COCH: variants seen among roughly 807,000 people sequenced by gnomAD.
The protein encoded by COCH is cochlin, also known as coagulation factor C homolog, cochlin (Limulus polyphemus).
COCH carries 40 observed loss-of-function variants against 54.8 expected under a neutral mutation model. That is an observed-to-expected ratio of 0.73 (90% CI 0.57 to 0.95). The LOEUF (loss-of-function observed/expected upper bound fraction) is 0.95, where lower values mean the gene tolerates loss of function less well. Ranked by LOEUF, COCH falls within the 40% of genes least tolerant of loss-of-function variation. The pLI is 0.00. For missense variants in COCH, 605 were observed against 675.0 expected, an observed-to-expected ratio of 0.90 and a Z score of 1.15; for synonymous variants, 256 against 237.9, an observed-to-expected ratio of 1.08 and a Z score of -0.70.
rs770813215 is a variant in COCH, at chr14:30,877,560, C to A, written c.83-12C>A. 1.2e-6 allele frequency: 2 copies of A among 1,613,920 alleles called. No homozygotes were observed. The highest frequency in any genetic ancestry group is 1.7e-6 in the Non-Finnish European group (2 of 1,180,040). ...CTAAGAATGCTTACAATATTATCTCCTTTTTCTTCAGCTCCCATTGCTATC... is the reference window on the plus strand; with the variant it reads ...CTAAGAATGCTTACAATATTATCTCATTTTTCTTCAGCTCCCATTGCTATC... On this transcript the variant is annotated splice_polypyrimidine_tract_variant and intron_variant, in intron 3 of 11. Coordinates refer to ENST00000396618, the MANE Select transcript of COCH (RefSeq NM_004086.3). The surrounding 1 kb of genome is among the most constrained non-coding windows in gnomAD (Gnocchi z 8.6).
In COCH at chr14:30,880,715, G is replaced by A. The variant is rs200549732; in HGVS notation, c.610G>A (p.Val204Met). 3.7e-6 allele frequency: 6 copies of A among 1,613,814 alleles called. No homozygotes were observed. In the East Asian group the frequency reaches 1.1e-4, roughly 30 times the overall value. Reference sequence around the variant, plus strand: ...GGGAATTGGAACAGAAGGACCACATGTGGGCCTTGTTCAAGCCAGGTACCA... The same window carrying A: ...GGGAATTGGAACAGAAGGACCACATATGGGCCTTGTTCAAGCCAGGTACCA... ...MLGIGTEGPH[V>M]GLVQASEHPK... The change falls in exon 8 of 12, where the codon GTG (valine) becomes ATG (methionine). Residue 204 changes from valine (V) to methionine (M), a missense_variant. Coordinates refer to ENST00000396618, the MANE Select transcript of COCH (RefSeq NM_004086.3).
At chr14:30,893,990 T>C (rs1280934582), downstream of COCH, 1 of 152,624 alleles carries the variant, frequency 6.6e-6, no homozygotes. Flanking sequence ...GATTCATAGT[T>C]TGTAAAACAA....
intron 8 of COCH, 41 bp from the exon 9 acceptor site, chr14:30,884,512 T>A (rs1342369452): frequency 1.4e-6 from 2 of 1,411,352 alleles, no homozygotes; most frequent in Non-Finnish European, 2.0e-6. Context: ...TATTTTACCT[T>A]TTTAATTCTC....
Position 30,885,802 on chromosome 14 carries a change from T to A in COCH, c.967T>A (p.Cys323Ser). The A allele has an allele frequency of 6.2e-7, 1 of 1,614,102 alleles. No individual in the cohort carries two copies. Among genetic ancestry groups the A allele is most frequent in the Non-Finnish European group, 8.5e-7 (1 of 1,180,006 alleles). The part of the protein sequence containing the change: ...QDVTFVDKAV[C>S]RNNGFFSYHM... Reference sequence around the variant, plus strand: ...TATGTGTCTCCCCCATTAGGCTGTCTGTCGGAATAATGGCTTCTTCTCTTA... The same window carrying A: ...TATGTGTCTCCCCCATTAGGCTGTCAGTCGGAATAATGGCTTCTTCTCTTA... Residue 323 changes from cysteine to serine, a missense_variant, in exon 11 of 12, where the codon TGT (cysteine) becomes AGT (serine). Physicochemically the swap from Cys to Ser is moderately radical, Grantham distance 112 (BLOSUM62 -1). Coordinates refer to ENST00000396618, the MANE Select transcript of COCH (RefSeq NM_004086.3).
intron 8 of COCH, among the ~76,000 whole-genome samples, chr14:30,881,746 C>G (rs537723921): frequency 2.0e-5 from 3 of 151,986 alleles, no homozygotes; most frequent in Non-Finnish European, 4.4e-5. Context: ...ATCACGGGGT[C>G]AGGAGATTGA....
At chr14:30,895,209 C>T, downstream of COCH, 3 of 578,954 alleles carry the variant, frequency 5.2e-6, no homozygotes, top group Middle Eastern at 4.2e-4. Context: ...GTCCTTTTTT[C>T]TTTGTCCCAC....
intron 3 of COCH, chr14:30,875,317 C>T: frequency 3.0e-6 from 2 of 667,612 alleles, no homozygotes; most frequent in Non-Finnish European, 5.0e-6. Flanking sequence ...CCCCTGGGGT[C>T]CAGTGGGGGG....
At chr14:30,895,015 G>A, downstream of COCH, 1 of 271,604 alleles carries the variant, frequency 3.7e-6, no homozygotes, top group Non-Finnish European at 5.6e-6. Context: ...CCCAACAAGA[G>A]CACCACATTC....
rs768776389 is a variant in COCH at position 30,878,821 on chromosome 14, A to G, written c.250A>G (p.Ser84Gly). Residue 84 changes from serine (S) to glycine (G), a missense_variant, in exon 5 of 12, where the codon AGC becomes GGC. By Grantham distance (56) the Ser-to-Gly change is moderately conservative. Coordinates refer to ENST00000396618, the MANE Select transcript of COCH (RefSeq NM_004086.3). ...CGAAVHRGVI[S>G]NSGGPVRVYS... Reference sequence around the variant, plus strand: ...ATTCTTGTGTTACAGGGGAGTAATCAGCAACTCAGGGGGACCTGTACGAGT... The same window carrying G: ...ATTCTTGTGTTACAGGGGAGTAATCGGCAACTCAGGGGGACCTGTACGAGT... The G allele has an allele frequency of 1.9e-6, 3 of 1,614,098 alleles. No individual in the cohort carries two copies. The highest frequency in any genetic ancestry group is 4.5e-5 in the East Asian group (2 of 44,900).
chr14:30,882,119 G>GTTTTTTTTTTTTTTT (rs1566410309), intron 8 of COCH, among the ~76,000 whole-genome samples: 8 of 84,874 alleles, frequency 9.4e-5, no homozygotes, highest in African/African-American at 4.8e-4. Flanking sequence ...ACTATAAAAT[G>GTTTTTTTTTTTTTTT]GTTTTTTTTT....
At position 30,875,063 on chromosome 14, in the gene COCH, TCTG is replaced by T. The variant is rs774012347; in HGVS notation, c.53_55del (p.Leu18del). On this transcript the variant is annotated inframe_deletion, in exon 3 of 12. Coordinates refer to ENST00000396618, the MANE Select transcript of COCH (RefSeq NM_004086.3). Reference sequence around the variant, plus strand: ...ACGCTTCTCTCTTCGCAGGTGTGTGTCTGCTGCTGCTGCCGGGGCCCGCGGGCA... The same window carrying T: ...ACGCTTCTCTCTTCGCAGGTGTGTGTCTGCTGCTGCCGGGGCCCGCGGGCA... 1.9e-6 allele frequency: 3 copies of T among 1,607,218 alleles called. No homozygotes were observed. Among genetic ancestry groups the T allele is most frequent in the Admixed American group, 1.7e-5 (1 of 59,070 alleles).
chr14:30,877,572 C>T lies in COCH; in HGVS notation c.83C>T (p.Ala28Val), dbSNP rs1255326111. Residue 28 changes from alanine to valine, a missense_variant and splice_region_variant, in exon 4 of 12, where the codon GCT (alanine) becomes GTT (valine). By Grantham distance (64) the Ala-to-Val change is moderately conservative (BLOSUM62 0). Transcript: ENST00000396618. This position sits in a 1 kb window ranked among gnomAD's most constrained non-coding sequence, Gnocchi z 8.6. ...LPGPAGSEGA[A>V]PIAITCFTRG... ...ACAATATTATCTCCTTTTTCTTCAG[C>T]TCCCATTGCTATCACATGTTTTACC... 6.2e-7 allele frequency: 1 copy of T among 1,614,190 alleles called. No individual in the cohort carries two copies. Among genetic ancestry groups the T allele is most frequent in the Non-Finnish European group, 8.5e-7 (1 of 1,180,036 alleles).
rs1406532229 is a variant in COCH at position 30,890,521 on chromosome 14, C to T, written c.*730C>T. On this transcript the variant is annotated 3_prime_UTR_variant, in exon 12 of 12. Transcript: ENST00000396618. The stretch of plus-strand genomic sequence containing the variant: ...AAGTTGGTAAAGTATTTACTGACTG[C>T]TTATAAACATTTAAAGACAAAGACA... 1.1e-6 allele frequency: 1 copy of T among 933,216 alleles called. No individual in the cohort carries two copies. The highest frequency in any genetic ancestry group is 1.3e-6 in the Non-Finnish European group (1 of 782,330). The allele number at this position is 933,216 out of a possible 1,614,324, so 57.8% of individuals were successfully genotyped here. A position where few individuals can be genotyped will look rare whatever the true frequency, so the allele number is the denominator to read the frequency against.
intron 3 of COCH, chr14:30,876,608 T>C (rs1895363900): frequency 6.6e-6 from 1 of 152,214 alleles, no homozygotes. Flanking sequence ...CATCTTTTTG[T>C]TGGCTTCCTT....
rs544425146 is a variant in COCH, at chr14:30,878,738, C to T, written c.240-73C>T. 14 of 1,603,918 alleles carry T rather than the reference C, an allele frequency of 8.7e-6. 1 individual carries two copies. The South Asian group carries it at 1.5e-4, about 18-fold the overall frequency. On this transcript the variant is annotated intron_variant, in intron 4 of 11. Coordinates refer to ENST00000396618, the MANE Select transcript of COCH (RefSeq NM_004086.3). ...TGATTAATCAAAGCAATAGATACAA[C>T]ATGGCACTATAAGTCAGTGGGATGC...
At chr14:30,878,374 G>A (rs950999099) in intron 4 of COCH, among the ~76,000 whole-genome samples, 9 of 152,288 alleles carry the variant, frequency 5.9e-5, no homozygotes, top group Admixed American at 4.6e-4. Flanking sequence ...TAAAAGGCTA[G>A]CAGCAGCTGG....
intron 9 of COCH, chr14:30,885,117 G>A: frequency 1.3e-6 from 2 of 1,543,306 alleles, no homozygotes; most frequent in Non-Finnish European, 1.7e-6. Flanking sequence ...TTTCTAACTG[G>A]CGATTGATGT....
rs750233650 is a variant in COCH, at chr14:30,877,341, C to A, written c.83-231C>A. ...TCAAAAACAAAAACGAAATAAAAAC[C>A]CAGAACTTTCACATTAGAGTTTTAT... On this transcript the variant is annotated intron_variant, in intron 3 of 11. Transcript: ENST00000396618. The surrounding 1 kb of genome is among the most constrained non-coding windows in gnomAD (Gnocchi z 8.6). 3 of 522,696 alleles carry A rather than the reference C, an allele frequency of 5.7e-6. No individual in the cohort carries two copies. The highest frequency in any genetic ancestry group is 1.0e-5 in the Non-Finnish European group (3 of 298,750). 32.4% of individuals were successfully genotyped at this position (522,696 alleles called of 1,614,324 possible).
At chr14:30,887,081 T>C (rs1895815661) in intron 11 of COCH, among the ~76,000 whole-genome samples, 1 of 152,112 alleles carries the variant, frequency 6.6e-6, no homozygotes, top group African/African-American at 2.4e-5. Context: ...AGGTCTCCCA[T>C]AGACTTTACC....
Sources: allele counts gnomAD v4.1 joint callset (sites outside exome capture counted in the v4.1 genomes callset), GRCh38; gene constraint gnomAD v4.1.1; non-coding constraint Gnocchi (gnomAD v3.1); transcripts MANE v1.5; gene names NCBI Gene and HGNC (gene_info 2026-07-23, HGNC 2026-07-21).